The following CPNE9 variants were observed in gnomAD, a reference collection of about 807,000 sequenced individuals.
The protein encoded by CPNE9 is copine-9.
A neutral mutation model predicts 83.0 loss-of-function variants in CPNE9; 59 were observed. The observed-to-expected ratio is 0.71, with a 90% CI of 0.58 to 0.88. The LOEUF is 0.88. CPNE9 is among the 40% of genes least tolerant of loss of function. CPNE9 has a pLI of 0.00. For synonymous variants in CPNE9, 256 were observed against 273.4 expected (o/e 0.94, Z 0.63); for missense variants, 619 against 720.8 (o/e 0.86, Z 1.62).
At chr3:9,716,922 T>C (rs976683758) in intron 14 of CPNE9, 136 bp from the exon 15 acceptor site, 2 of 889,012 alleles carry the variant, frequency 2.2e-6, no homozygotes, top group Non-Finnish European at 3.6e-6. Context: ...TTTGTTAGGC[T>C]CTACCCAGAC....
chr3:9,726,003 T>C lies in CPNE9; in HGVS notation c.1296T>C (p.Thr432=), dbSNP rs750074695. The change falls in exon 18 of 21, where the codon ACT becomes ACC. Residue 432 remains threonine (T), a synonymous_variant. Coordinates refer to ENST00000383832, the MANE Select transcript of CPNE9 (RefSeq NM_153635.3). ...GSQYYVLLII[T]DGVISDMTQT... ...AGTACTATGTTCTGCTCATCATCAC[T>C]GATGGGGTCATCTCTGACATGACGC... The C allele has an allele frequency of 1.2e-6, 2 of 1,612,408 alleles. No homozygotes were observed. The highest frequency in any genetic ancestry group is 2.2e-5 in the East Asian group (1 of 44,690).
intron 17 of CPNE9, among the ~76,000 whole-genome samples, chr3:9,724,915 C>T (rs986553117): frequency 6.6e-6 from 1 of 152,098 alleles, no homozygotes; most frequent in South Asian, 2.1e-4. Flanking sequence ...CACCACCACG[C>T]CTGGCTAGTT....
intron 10 of CPNE9, among the ~76,000 whole-genome samples, chr3:9,714,005 G>C (rs917434679): frequency 6.6e-6 from 1 of 152,044 alleles, no homozygotes; most frequent in Non-Finnish European, 1.5e-5. Context: ...CCTGGGAAGT[G>C]GAGCTTACAG....
At chr3:9,726,314 G>C (rs921489113) in intron 18 of CPNE9, among the ~76,000 whole-genome samples, 1 of 152,164 alleles carries the variant, frequency 6.6e-6, no homozygotes, top group Admixed American at 6.5e-5. Context: ...TGCAGCCACT[G>C]TGGGTTGCGT....
intron 10 of CPNE9, among the ~76,000 whole-genome samples, chr3:9,713,485 G>A (rs960158296): frequency 6.6e-6 from 1 of 152,156 alleles, no homozygotes; most frequent in African/African-American, 2.4e-5. Flanking sequence ...GGACTGATGG[G>A]TGGGTTTGTG....
chr3:9,726,651 T>A lies in CPNE9; in HGVS notation c.1345-14T>A. 1 of 1,611,312 alleles carries A rather than the reference T, an allele frequency of 6.2e-7. No individual in the cohort carries two copies. Among genetic ancestry groups the A allele is most frequent in the Non-Finnish European group, 8.5e-7 (1 of 1,177,596 alleles). ...GCCTGCTTGCCCCAACAGTTCACCCTCTTTCCCCTACAGGCCTCCTCATTG... is the reference window on the plus strand; with the variant it reads ...GCCTGCTTGCCCCAACAGTTCACCCACTTTCCCCTACAGGCCTCCTCATTG... On this transcript the variant is annotated splice_polypyrimidine_tract_variant and intron_variant, in intron 18 of 20. Transcript: ENST00000383832.
At chr3:9,727,585 G>C (rs1398980177) in intron 20 of CPNE9, 3 of 598,966 alleles carry the variant, frequency 5.0e-6, no homozygotes, top group Non-Finnish European at 5.9e-6. Context: ...GAGGGGATAA[G>C]CATTACAGGG....
In CPNE9 at chr3:9,718,558, C is replaced by G. The variant is rs775157044; in HGVS notation, c.1197C>G (p.Leu399=). 28 of 1,613,458 alleles carry G rather than the reference C, an allele frequency of 1.7e-5. No individual in the cohort carries two copies. Among genetic ancestry groups the G allele is most frequent in the Non-Finnish European group, 2.4e-5 (28 of 1,179,776 alleles). Residue 399 remains leucine (L), a synonymous_variant, in exon 17 of 21, where the codon CTC becomes CTG. Coordinates refer to ENST00000383832, the MANE Select transcript of CPNE9 (RefSeq NM_153635.3). ...TCCAGAGCCTGCGCACAGTGCAGCT[C>G]TATGGGCCCACCTACTTTGCTCCTG... ...SYFQSLRTVQ[L]YGPTYFAPVI...
chr3:9,714,203 A>G (rs2076656623), intron 10 of CPNE9, among the ~76,000 whole-genome samples: 1 of 152,238 alleles, frequency 6.6e-6, no homozygotes, highest in African/African-American at 2.4e-5. Flanking sequence ...GATGTTATAT[A>G]GTTGGTAGAC....
Position 9,704,614 on chromosome 3 carries a change from C to T in CPNE9, c.96C>T (p.Ser32=). 1 of 1,614,048 alleles carries T rather than the reference C, an allele frequency of 6.2e-7. No individual in the cohort carries two copies. The highest frequency in any genetic ancestry group is 8.5e-7 in the Non-Finnish European group (1 of 1,179,890). ...CRNLLDLDTF[S]KSDPMVVLYT... is the part of the protein sequence containing the mutation. The stretch of plus-strand genomic sequence containing the variant: ...ACCTGCTAGACCTTGATACCTTCTC[C>T]AAGTCCGACCCCAGTAGGCGGCTCC... The change falls in exon 2 of 21, where the codon TCC becomes TCT. Residue 32 remains serine, a synonymous_variant. Transcript: ENST00000383832. This position sits in a 1 kb window ranked among gnomAD's most constrained non-coding sequence, Gnocchi z 7.1.
intron 7 of CPNE9, 123 bp downstream of exon 7, chr3:9,706,186 T>C: frequency 1.2e-6 from 1 of 814,914 alleles, no homozygotes; most frequent in Non-Finnish European, 2.0e-6. Context: ...CTGCCCCGGC[T>C]CCCATCACCC....
At chr3:9,705,048 G>A in intron 4 of CPNE9, 54 bp downstream of exon 4, 2 of 1,356,892 alleles carry the variant, frequency 1.5e-6, no homozygotes, top group South Asian at 1.2e-5. Context: ...GGATCCGCCC[G>A]GAATTCTGGC....
At chr3:9,706,282 T>C (rs971946667) in intron 7 of CPNE9, among the ~76,000 whole-genome samples, 1 of 150,640 alleles carries the variant, frequency 6.6e-6, no homozygotes, top group East Asian at 1.9e-4. Context: ...TTTTTCTCTC[T>C]CTCTCTCTGT....
intron 17 of CPNE9, among the ~76,000 whole-genome samples, chr3:9,722,280 T>C (rs1405072578): frequency 6.6e-6 from 1 of 151,290 alleles, no homozygotes; most frequent in Non-Finnish European, 1.5e-5. Context: ...GAGGATTAAA[T>C]TAGATCATGT....
intron 11 of CPNE9, 118 bp from the exon 12 acceptor site, chr3:9,715,171 G>A: frequency 8.5e-7 from 1 of 1,173,652 alleles, no homozygotes; most frequent in Non-Finnish European, 1.2e-6. Flanking sequence ...TATGGCCCCA[G>A]CACTAGGCTG....
intron 17 of CPNE9, among the ~76,000 whole-genome samples, chr3:9,724,680 TAAAG>T (rs1351090253): frequency 1.3e-5 from 2 of 152,170 alleles, no homozygotes; most frequent in Non-Finnish European, 1.5e-5. Context: ...ATCACTTCCT[TAAAG>T]AAACCTTCAC....
At chr3:9,705,693 T>C in intron 5 of CPNE9, 25 bp from the exon 6 acceptor site, 1 of 1,613,792 alleles carries the variant, frequency 6.2e-7, no homozygotes, top group African/African-American at 1.3e-5. Flanking sequence ...TCTTCCTTCT[T>C]GGCTGCCACT....
At chr3:9,706,524 T>C (rs2076566380) in intron 7 of CPNE9, among the ~76,000 whole-genome samples, 1 of 152,222 alleles carries the variant, frequency 6.6e-6, no homozygotes, top group Admixed American at 6.5e-5. Context: ...TGTCAGCCAC[T>C]GTTAAAGGGG....
intron 20 of CPNE9, among the ~76,000 whole-genome samples, chr3:9,729,062 A>T (rs1230264057): frequency 1.3e-5 from 2 of 152,232 alleles, no homozygotes; most frequent in Non-Finnish European, 2.9e-5. Flanking sequence ...TAGAGAGCAG[A>T]TAGACCCAGA....
Sources: allele counts gnomAD v4.1 joint callset (sites outside exome capture counted in the v4.1 genomes callset), GRCh38; gene constraint gnomAD v4.1.1; non-coding constraint Gnocchi (gnomAD v3.1); transcripts MANE v1.5; gene names NCBI Gene and HGNC (gene_info 2026-07-23, HGNC 2026-07-21).